PDGFRB: variants seen among roughly 807,000 people sequenced by gnomAD.
PDGFRB encodes the protein platelet derived growth factor receptor beta.
A neutral mutation model predicts 120.2 loss-of-function variants in PDGFRB; 42 were observed. That is an observed-to-expected ratio of 0.35 (90% CI 0.27 to 0.45). The LOEUF (loss-of-function observed/expected upper bound fraction) is 0.45, where lower values mean the gene tolerates loss of function less well. PDGFRB is among the 20% of genes least tolerant of loss of function. PDGFRB has a pLI of 1.00. For synonymous variants in PDGFRB, 586 were observed against 606.8 expected (o/e 0.97, Z 0.50); for missense variants, 1,149 against 1,476.3 (o/e 0.78, Z 3.63).
At position 150,137,022 on chromosome 5, in the gene PDGFRB, GCTGGCA is replaced by G. The variant is rs758261782; in HGVS notation, c.20_25del (p.Met7_Ala9delinsThr). On this transcript the variant is annotated inframe_deletion, in exon 2 of 23. Coordinates refer to ENST00000261799, the MANE Select transcript of PDGFRB (RefSeq NM_002609.4). ...CATCTACCCACCTTTGAGGGCCAGA[GCTGGCA>G]TCGCACCCGGAAGCCGCATGGTGTC... 1.9e-6 allele frequency: 3 copies of G among 1,613,614 alleles called. No individual in the cohort carries two copies. Among genetic ancestry groups the G allele is most frequent in the Non-Finnish European group, 2.5e-6 (3 of 1,179,716 alleles).
At chr5:150,116,819 G>C (rs1198357348) in intron 22 of PDGFRB, among the ~76,000 whole-genome samples, 1 of 152,104 alleles carries the variant, frequency 6.6e-6, no homozygotes, top group Non-Finnish European at 1.5e-5. Context: ...GAGGGCCTTC[G>C]GAGCCTTCTA....
intron 3 of PDGFRB, 101 bp from the exon 4 acceptor site, chr5:150,135,117 TC>T: frequency 3.0e-6 from 2 of 661,086 alleles, no homozygotes; most frequent in Non-Finnish European, 5.4e-6. Context: ...GCCCTCTGTC[TC>T]CCCGTTACAG....
chr5:150,116,880 A>G (rs891712549), intron 22 of PDGFRB, among the ~76,000 whole-genome samples: 2 of 152,174 alleles, frequency 1.3e-5, no homozygotes, highest in African/African-American at 4.8e-5. Context: ...CTCGCAGAGG[A>G]GAAGCCTTCC....
chr5:150,129,880 C>T lies in PDGFRB; in HGVS notation c.1456G>A (p.Glu486Lys). 6.2e-7 allele frequency: 1 copy of T among 1,614,092 alleles called. No homozygotes were observed. Residue 486 changes from glutamate to lysine, a missense_variant, in exon 10 of 23, where the codon GAG becomes AAG. Coordinates refer to ENST00000261799, the MANE Select transcript of PDGFRB (RefSeq NM_002609.4). ...GTGCTCACCACCTCAAACTCCTGCT[C>T]CTCCTCCCAGTACGTCACGTTAGTC... ...LETNVTYWEE[E>K]QEFEVVSTLR...
At chr5:150,145,577 AG>A (rs1760898612) in intron 1 of PDGFRB, among the ~76,000 whole-genome samples, 1 of 152,200 alleles carries the variant, frequency 6.6e-6, no homozygotes, top group South Asian at 2.1e-4. Flanking sequence ...TTTGCCCAAA[AG>A]CTTGCCAGTG....
chr5:150,148,614 C>T (rs1428431095), intron 1 of PDGFRB, among the ~76,000 whole-genome samples: 1 of 152,250 alleles, frequency 6.6e-6, no homozygotes, highest in African/African-American at 2.4e-5. Flanking sequence ...ATTCCTGGGT[C>T]CAAGCCCCAG....
In PDGFRB at chr5:150,132,928, G is replaced by T. The variant is rs759481106; in HGVS notation, c.949C>A (p.Arg317=). The T allele has an allele frequency of 8.3e-6, 13 of 1,560,960 alleles. No homozygotes were observed. In the African/African-American group the frequency reaches 9.5e-5, roughly 11 times the overall value. The part of the protein sequence containing the change: ...NITVVESGYV[R]LLGEVGTLQF... ...AGTGTGCCCACCTCTCCCAGGAGCC[G>T]CACGTAGCCGCTCTCTGCAAGGGGT... Residue 317 remains arginine, a synonymous_variant, in exon 7 of 23, where the codon CGG becomes AGG. Transcript: ENST00000261799. The surrounding 1 kb of genome is among the most constrained non-coding windows in gnomAD (Gnocchi z 5.0).
intron 1 of PDGFRB, among the ~76,000 whole-genome samples, chr5:150,147,872 G>A (rs1409407246): frequency 6.6e-6 from 1 of 152,208 alleles, no homozygotes; most frequent in Non-Finnish European, 1.5e-5. Flanking sequence ...ACAGCCCTCT[G>A]CAAAGTTGGT....
intron 1 of PDGFRB, among the ~76,000 whole-genome samples, chr5:150,139,787 C>T (rs193206788): frequency 6.6e-6 from 1 of 152,172 alleles, no homozygotes; most frequent in Admixed American, 6.5e-5. Context: ...CGAGACCAAC[C>T]TAGCCAACAT....
chr5:150,121,971 A>G lies in PDGFRB; in HGVS notation c.2253T>C (p.Tyr751=). The part of the protein sequence containing the change: ...MDMSKDESVD[Y]VPMLDMKGDV... ...CTCCTTTCATGTCCAGCATGGGCAC[A>G]TAGTCCACCGACTCGTCCTTGCTCA... Residue 751 remains tyrosine (Y), a synonymous_variant, in exon 16 of 23, where the codon TAT becomes TAC. Transcript: ENST00000261799. This position sits in a 1 kb window ranked among gnomAD's most constrained non-coding sequence, Gnocchi z 4.1. 2.5e-6 allele frequency: 4 copies of G among 1,613,372 alleles called. 1 individual carries two copies. Among genetic ancestry groups the G allele is most frequent in the Non-Finnish European group, 3.4e-6 (4 of 1,179,314 alleles).
chr5:150,138,783 G>T (rs1229069392), intron 1 of PDGFRB, among the ~76,000 whole-genome samples: 1 of 152,190 alleles, frequency 6.6e-6, no homozygotes, highest in Non-Finnish European at 1.5e-5. Flanking sequence ...CTGCCCCTCC[G>T]TCGGTGCCCC....
intron 6 of PDGFRB, 74 bp downstream of exon 6, chr5:150,133,512 C>G (rs1298559473): frequency 7.7e-7 from 1 of 1,294,984 alleles, no homozygotes; most frequent in Non-Finnish European, 1.1e-6. Flanking sequence ...CACCATCACT[C>G]TGCACCCAGC....
chr5:150,135,394 G>C (rs1760592651), intron 3 of PDGFRB, among the ~76,000 whole-genome samples, 161 bp downstream of exon 3: 1 of 152,074 alleles, frequency 6.6e-6, no homozygotes, highest in African/African-American at 2.4e-5. Context: ...CAAGGAGTGG[G>C]TGCGAACACA....
At chr5:150,133,437 C>A (rs961035073) in intron 6 of PDGFRB, 149 bp downstream of exon 6, 6 of 713,830 alleles carry the variant, frequency 8.4e-6, no homozygotes, top group Non-Finnish European at 1.5e-5. Flanking sequence ...GCTGACTATA[C>A]CCCGGGGCTG....
chr5:150,137,072 G>A lies in PDGFRB; in HGVS notation c.-6-19C>T. ...TGGTGTCCTGCAGAGTTAAACAGGA[G>A]TCAGGGCCCAGGGCAGGTGGAGGCA... On this transcript the variant is annotated intron_variant, in intron 1 of 22. Coordinates refer to ENST00000261799, the MANE Select transcript of PDGFRB (RefSeq NM_002609.4). The A allele has an allele frequency of 1.2e-6, 2 of 1,610,320 alleles. No homozygotes were observed. The highest frequency in any genetic ancestry group is 2.2e-5 in the South Asian group (2 of 90,480).
chr5:150,143,592 G>A (rs1205461253), intron 1 of PDGFRB, among the ~76,000 whole-genome samples: 6 of 152,212 alleles, frequency 3.9e-5, no homozygotes, highest in African/African-American at 1.4e-4. Context: ...GAGTAGGAAA[G>A]GGATAGCAGC....
chr5:150,119,370 G>C, intron 20 of PDGFRB, 97 bp downstream of exon 20: 6 of 763,712 alleles, frequency 7.9e-6, no homozygotes, highest in South Asian at 7.4e-5. Flanking sequence ...CTAGATCTCT[G>C]AGCTAACAAA....
chr5:150,153,147 TG>T (rs1761125986), intron 1 of PDGFRB, among the ~76,000 whole-genome samples: 1 of 152,236 alleles, frequency 6.6e-6, no homozygotes, highest in Non-Finnish European at 1.5e-5. Flanking sequence ...CTGGGTCTCC[TG>T]ACTCTGGATC....
chr5:150,117,615 T>C lies in PDGFRB; in HGVS notation c.3137+3A>G. On this transcript the variant is annotated splice_donor_region_variant and intron_variant, in intron 22 of 22. Transcript: ENST00000261799. ...TTCCTTGGCCCCAGGCCAGGGTGGTTACCTGGCTAGGCTGGGGGAACCCTC... is the reference window on the plus strand; with the variant it reads ...TTCCTTGGCCCCAGGCCAGGGTGGTCACCTGGCTAGGCTGGGGGAACCCTC... 6.4e-7 allele frequency: 1 copy of C among 1,568,402 alleles called. No homozygotes were observed. The highest frequency in any genetic ancestry group is 8.8e-7 in the Non-Finnish European group (1 of 1,139,632).
Sources: allele counts gnomAD v4.1 joint callset (sites outside exome capture counted in the v4.1 genomes callset), GRCh38; gene constraint gnomAD v4.1.1; non-coding constraint Gnocchi (gnomAD v3.1); transcripts MANE v1.5; gene names NCBI Gene and HGNC (gene_info 2026-07-23, HGNC 2026-07-21).